The following DOCK4 variants were observed in gnomAD, a reference collection of about 807,000 sequenced individuals.
The protein encoded by DOCK4 is dedicator of cytokinesis protein 4.
Under a neutral mutation model 268.1 loss-of-function variants are expected in DOCK4, and 97 were observed. That is an observed-to-expected ratio of 0.36 (90% CI 0.31 to 0.43). The LOEUF (loss-of-function observed/expected upper bound fraction) is 0.43. DOCK4 is among the 20% of genes least tolerant of loss of function. The pLI, the probability that DOCK4 is intolerant of heterozygous loss-of-function variation, is 1.00. For missense variants in DOCK4, 2,145 were observed against 2,455.7 expected (o/e 0.87, Z 2.67); for synonymous variants, 954 against 887.2 (o/e 1.08, Z -1.34).
At chr7:111,976,161 A>AAAAAAAAAATATATAT (rs1554400643) in intron 8 of DOCK4, among the ~76,000 whole-genome samples, 1 of 34,014 alleles carries the variant, frequency 2.9e-5, no homozygotes, top group African/African-American at 1.5e-4. Context: ...AAAAAAAAAA[A>AAAAAAAAAATATATAT]ATATATATAT....
intron 50 of DOCK4, among the ~76,000 whole-genome samples, chr7:111,736,693 C>T (rs1246898002): frequency 2.6e-5 from 4 of 152,160 alleles, no homozygotes; most frequent in Non-Finnish European, 4.4e-5. Flanking sequence ...TAAACATAGG[C>T]GTTCCTATCT....
intron 12 of DOCK4, among the ~76,000 whole-genome samples, chr7:111,926,464 AAAAG>A (rs1367762509): frequency 8.2e-5 from 12 of 147,236 alleles, no homozygotes; most frequent in South Asian, 2.2e-4. Flanking sequence ...GAGAAAGAGA[AAAAG>A]AAAGAAAGAA....
rs770957164 is a variant in DOCK4, at chr7:111,760,166, T to C, written c.4162+15A>G. The C allele has an allele frequency of 4.3e-6, 7 of 1,613,624 alleles. No individual in the cohort carries two copies. The highest frequency in any genetic ancestry group is 5.9e-6 in the Non-Finnish European group (7 of 1,179,638). Reference sequence around the variant, plus strand: ...GTGCAATCTCACTGAGTCCAGCCCTTGTAGGTGCGGATACACTGAGCTTCT... The same window carrying C: ...GTGCAATCTCACTGAGTCCAGCCCTCGTAGGTGCGGATACACTGAGCTTCT... On this transcript the variant is annotated intron_variant, in intron 40 of 52. Transcript: ENST00000428084.
At chr7:111,821,459 G>C (rs1801973873) in intron 27 of DOCK4, 1 of 152,238 alleles carries the variant, frequency 6.6e-6, no homozygotes, top group East Asian at 1.9e-4. Context: ...TTTCCATTCT[G>C]TATCTTGAGA....
intron 16 of DOCK4, among the ~76,000 whole-genome samples, chr7:111,889,342 T>C (rs1035918445): frequency 6.6e-6 from 1 of 152,118 alleles, no homozygotes; most frequent in Non-Finnish European, 1.5e-5. Flanking sequence ...ATTATGGTTA[T>C]AGGGTAAGTC....
At chr7:112,141,972 C>CA in intron 1 of DOCK4, among the ~76,000 whole-genome samples, 1 of 152,280 alleles carries the variant, frequency 6.6e-6, no homozygotes, top group Admixed American at 6.5e-5. Flanking sequence ...CCACTCATTG[C>CA]AATTCTTAAC....
chr7:111,934,743 G>A (rs1031561386), intron 12 of DOCK4, among the ~76,000 whole-genome samples: 1 of 146,686 alleles, frequency 6.8e-6, no homozygotes, highest in Non-Finnish European at 1.5e-5. Flanking sequence ...GTTTCACCGT[G>A]TTAGCCAGGA....
chr7:111,862,999 G>C (rs1007362918), intron 23 of DOCK4: 4 of 220,920 alleles, frequency 1.8e-5, no homozygotes, highest in Non-Finnish European at 3.6e-5. Context: ...TTGCTCTTGG[G>C]GTAAAGTAAA....
chr7:111,756,087 GCCTGTAAT>G (rs1011547203), intron 41 of DOCK4, among the ~76,000 whole-genome samples: 4 of 152,208 alleles, frequency 2.6e-5, no homozygotes, highest in African/African-American at 9.6e-5. Flanking sequence ...GGTGGCTCAC[GCCTGTAAT>G]CCCAGCACTT....
chr7:111,801,990 C>T (rs1004936413), intron 30 of DOCK4, among the ~76,000 whole-genome samples: 5 of 151,876 alleles, frequency 3.3e-5, no homozygotes, highest in Admixed American at 2.0e-4. Flanking sequence ...CGTGAGCCAC[C>T]GTGCCCAGCC....
intron 1 of DOCK4, among the ~76,000 whole-genome samples, chr7:112,189,716 C>T (rs1408412207): frequency 7.0e-6 from 1 of 142,576 alleles, no homozygotes; most frequent in East Asian, 2.1e-4. Context: ...GCAGCCTAGC[C>T]TTCTTGTTTT....
chr7:111,757,168 T>C (rs1208693231), intron 41 of DOCK4, among the ~76,000 whole-genome samples: 1 of 152,018 alleles, frequency 6.6e-6, no homozygotes, highest in Non-Finnish European at 1.5e-5. Flanking sequence ...ATGAGGCTTC[T>C]GGAGGGCAGT....
rs1554380830 is a variant in DOCK4, at chr7:111,933,298, A to ATATATATT, written c.1066+2241_1066+2242insAATATATA. 3.7e-4 allele frequency among the ~76,000 whole-genome samples: 28 copies of ATATATATT among 74,826 alleles called. 2 individuals are homozygous for ATATATATT. Among genetic ancestry groups the ATATATATT allele is most frequent in the African/African-American group, 1.6e-3 (25 of 15,228 alleles). 49.1% of individuals were successfully genotyped at this position (74,826 alleles called of 152,430 possible). On this transcript the variant is annotated intron_variant, in intron 12 of 52. Transcript: ENST00000428084. ...TATATACATATATATATATATATAT[A>ATATATATT]TTTTTTTTTTTTTTTGAGATGGAGT...
intron 12 of DOCK4, among the ~76,000 whole-genome samples, chr7:111,934,186 G>A (rs1467997948): frequency 6.6e-6 from 1 of 152,162 alleles, no homozygotes; most frequent in African/African-American, 2.4e-5. Context: ...TTCAATGTGG[G>A]TCTGAATGGT....
At chr7:111,853,750 A>G (rs1348385193) in intron 23 of DOCK4, among the ~76,000 whole-genome samples, 2 of 152,184 alleles carry the variant, frequency 1.3e-5, no homozygotes, top group Non-Finnish European at 2.9e-5. Flanking sequence ...AGACACATGT[A>G]CTGTGTACAT....
chr7:112,160,116 A>G (rs1816973838), intron 1 of DOCK4, among the ~76,000 whole-genome samples: 1 of 152,172 alleles, frequency 6.6e-6, no homozygotes, highest in Admixed American at 6.5e-5. Flanking sequence ...CAAGCATTTC[A>G]GATAAAGACT....
chr7:112,048,928 C>T (rs755464118), intron 1 of DOCK4, among the ~76,000 whole-genome samples: 1 of 152,004 alleles, frequency 6.6e-6, no homozygotes, highest in Non-Finnish European at 1.5e-5. Flanking sequence ...GATGATCTCC[C>T]TCCCCCTACC....
At chr7:112,097,404 T>A (rs1810250539) in intron 1 of DOCK4, among the ~76,000 whole-genome samples, 1 of 151,638 alleles carries the variant, frequency 6.6e-6, no homozygotes, top group South Asian at 2.1e-4. Flanking sequence ...TGAGATCTCA[T>A]CTCTACGTTT....
At chr7:112,015,048 AT>A in intron 1 of DOCK4, among the ~76,000 whole-genome samples, 1 of 152,316 alleles carries the variant, frequency 6.6e-6, no homozygotes, top group Middle Eastern at 3.4e-3. Flanking sequence ...GAGGTTGGGC[AT>A]TCTTAGTCAT....
Sources: gnomAD v4.1 joint callset for allele counts (sites outside exome capture counted in the v4.1 genomes callset) on GRCh38, gnomAD v4.1.1 for gene constraint, MANE v1.5 for transcripts, NCBI Gene and HGNC (gene_info 2026-07-23, HGNC 2026-07-21) for gene names.